Variants in SNX14 observed in about 807,000 individuals in gnomAD.
SNX14 encodes the protein sorting nexin-14.
In SNX14, 93 loss-of-function variants were observed where a neutral mutation model predicts 133.8. The ratio of observed to expected loss-of-function variants is 0.70; its 90% CI spans 0.59 to 0.83. The LOEUF (loss-of-function observed/expected upper bound fraction) is 0.83. Ranked by LOEUF, SNX14 falls within the 40% of genes least tolerant of loss-of-function variation. The pLI, the probability that SNX14 is intolerant of heterozygous loss-of-function variation, is 0.00. For synonymous variants in SNX14, 368 were observed against 365.6 expected (o/e 1.01, Z -0.07); for missense variants, 945 against 1,094.9 (o/e 0.86, Z 1.93).
At position 85,514,528 on chromosome 6, in the gene SNX14, G is replaced by C; in HGVS notation, c.2370C>G (p.Val790=). ...YFMEVMTVEG[V]YDYLMYVGRV... ...TACCTACATACATCAGGTAATCATA[G>C]ACTCCTTCTACAGTCATCACCTCCA... The change falls in exon 24 of 29, where the codon GTC becomes GTG. Residue 790 remains valine (V), a synonymous_variant. Coordinates refer to ENST00000314673, the MANE Select transcript of SNX14 (RefSeq NM_153816.6). The C allele has an allele frequency of 6.2e-7, 1 of 1,613,234 alleles. No homozygotes were observed. Among genetic ancestry groups the C allele is most frequent in the Non-Finnish European group, 8.5e-7 (1 of 1,179,688 alleles).
chr6:85,585,856 G>T (rs1408545819), intron 1 of SNX14, among the ~76,000 whole-genome samples: 1 of 152,092 alleles, frequency 6.6e-6, no homozygotes, highest in Non-Finnish European at 1.5e-5. Context: ...GAGTAAGTTT[G>T]TTGGACACAG....
intron 15 of SNX14, among the ~76,000 whole-genome samples, chr6:85,540,313 C>T (rs1020561960): frequency 6.6e-6 from 1 of 152,044 alleles, no homozygotes; most frequent in Admixed American, 6.6e-5. Context: ...CTTAAATGGT[C>T]CTAGAAAAGG....
chr6:85,570,536 A>C (rs1297253848), intron 4 of SNX14, among the ~76,000 whole-genome samples: 2 of 152,180 alleles, frequency 1.3e-5, no homozygotes, highest in Admixed American at 1.3e-4. Flanking sequence ...AAATATTATC[A>C]TTTCAACATG....
At chr6:85,547,824 G>A (rs1466702024) in intron 9 of SNX14, among the ~76,000 whole-genome samples, 4 of 152,072 alleles carry the variant, frequency 2.6e-5, no homozygotes, top group African/African-American at 9.7e-5. Flanking sequence ...AATCTCACTG[G>A]ATCAAAGGTA....
intron 5 of SNX14, 62 bp from the exon 6 acceptor site, chr6:85,565,481 A>G: frequency 7.9e-7 from 1 of 1,266,330 alleles, no homozygotes. Context: ...ACCTTCTACA[A>G]TCCAAGGGAA....
chr6:85,513,856 T>C lies in SNX14; in HGVS notation c.2597A>G (p.Gln866Arg), dbSNP rs988396733. ...FCENTEPRSL[Q>R]DKQKGAKQTF... ...CTGTTTTGCTCCTTTTTGCTTATCTTGGAGAGAGCGAGGTTCAGTGTTTTC... is the reference window on the plus strand; with the variant it reads ...CTGTTTTGCTCCTTTTTGCTTATCTCGGAGAGAGCGAGGTTCAGTGTTTTC... Residue 866 changes from glutamine to arginine, a missense_variant, in exon 26 of 29, where the codon CAA becomes CGA. Gln to Arg is a conservative substitution (Grantham distance 43). Coordinates refer to ENST00000314673, the MANE Select transcript of SNX14 (RefSeq NM_153816.6). 2 of 1,613,090 alleles carry C rather than the reference T, an allele frequency of 1.2e-6. No individual in the cohort carries two copies. The highest frequency in any genetic ancestry group is 1.7e-5 in the Admixed American group (1 of 59,978).
At position 85,574,304 on chromosome 6, in the gene SNX14, T is replaced by G. The variant is rs372813808; in HGVS notation, c.215A>C (p.Asp72Ala). Residue 72 changes from aspartate to alanine, a missense_variant, in exon 2 of 29, where the codon GAT (aspartate) becomes GCT (alanine). Transcript: ENST00000314673. ...VVTFYCSLGP[D>A]SLLPNIFFTI... Reference sequence around the variant, plus strand: ...GAAGAATATATTTGGTAAGAGAGAATCAGGTCCTAGTGAGCAGTAGAATGT... The same window carrying G: ...GAAGAATATATTTGGTAAGAGAGAAGCAGGTCCTAGTGAGCAGTAGAATGT... The G allele has an allele frequency of 1.8e-5, 28 of 1,597,026 alleles. No individual in the cohort carries two copies. The highest frequency in any genetic ancestry group is 2.2e-5 in the Non-Finnish European group (26 of 1,167,350).
intron 4 of SNX14, among the ~76,000 whole-genome samples, chr6:85,571,612 C>T (rs1795629130): frequency 6.6e-6 from 1 of 152,102 alleles, no homozygotes; most frequent in African/African-American, 2.4e-5. Context: ...TTGTCAAATC[C>T]ACTGAGAAGA....
chr6:85,551,039 G>A (rs1425837948), intron 7 of SNX14, among the ~76,000 whole-genome samples: 1 of 151,968 alleles, frequency 6.6e-6, no homozygotes, highest in Non-Finnish European at 1.5e-5. Context: ...CTTCGGCCTC[G>A]CAAAGTGCTG....
At chr6:85,515,082 T>A (rs1175863281) in intron 23 of SNX14, among the ~76,000 whole-genome samples, 2 of 151,860 alleles carry the variant, frequency 1.3e-5, no homozygotes, top group Non-Finnish European at 2.9e-5. Context: ...TTGTCCAACA[T>A]GGTGAAACCC....
At chr6:85,542,476 G>A (rs1784065744) in intron 14 of SNX14, among the ~76,000 whole-genome samples, 1 of 152,114 alleles carries the variant, frequency 6.6e-6, no homozygotes, top group Non-Finnish European at 1.5e-5. Context: ...CTCACTGCAA[G>A]CTCCGCCTCC....
rs540421749 is a variant in SNX14 at position 85,545,042 on chromosome 6, C to T, written c.1109-1282G>A. Among the ~76,000 whole-genome samples the T allele has an allele frequency of 4.6e-5, 7 of 152,154 alleles. No homozygotes were observed. In the South Asian group the frequency reaches 1.5e-3, roughly 32 times the overall value. On this transcript the variant is annotated intron_variant, in intron 12 of 28. Coordinates refer to ENST00000314673, the MANE Select transcript of SNX14 (RefSeq NM_153816.6). The stretch of plus-strand genomic sequence containing the variant: ...ATTAAAATACATGACAACAGGAGCA[C>T]AATAGGCAGGAGAGGATGCTCTGAG...
chr6:85,560,488 A>T (rs1479366146), intron 6 of SNX14, among the ~76,000 whole-genome samples: 1 of 152,208 alleles, frequency 6.6e-6, no homozygotes, highest in African/African-American at 2.4e-5. Context: ...ATGAAGGGAT[A>T]GAAGAGGTGA....
At chr6:85,512,560 T>G (rs1227708587) in intron 26 of SNX14, among the ~76,000 whole-genome samples, 3 of 150,542 alleles carry the variant, frequency 2.0e-5, no homozygotes, top group African/African-American at 7.4e-5. Context: ...AGGCGGAGGT[T>G]GCAGTGAGCA....
At chr6:85,580,712 T>A (rs1798780824) in intron 1 of SNX14, among the ~76,000 whole-genome samples, 1 of 151,868 alleles carries the variant, frequency 6.6e-6, no homozygotes, top group African/African-American at 2.4e-5. Context: ...ATTGATAGAG[T>A]CTAGCAGCAC....
chr6:85,587,306 A>G (rs574605431), intron 1 of SNX14, among the ~76,000 whole-genome samples: 5 of 152,322 alleles, frequency 3.3e-5, no homozygotes, highest in South Asian at 4.1e-4. Context: ...GAAATTTTCA[A>G]TATCAAAAGT....
chr6:85,548,975 T>C (rs1476504440), intron 8 of SNX14, among the ~76,000 whole-genome samples: 1 of 59,952 alleles, frequency 1.7e-5, no homozygotes, highest in Non-Finnish European at 2.7e-5. Flanking sequence ...TCAAAAATAA[T>C]TAAAAAAAAA....
intron 19 of SNX14, 91 bp downstream of exon 19, chr6:85,530,101 A>C (rs1394988565): frequency 1.4e-6 from 1 of 712,332 alleles, no homozygotes; most frequent in East Asian, 2.9e-5. Flanking sequence ...TTGTATTTCA[A>C]TTACTTAAAA....
Position 85,547,414 on chromosome 6 carries a change from ATTAT to A in SNX14, c.913-21_913-18del. On this transcript the variant is annotated intron_variant, in intron 10 of 28. Transcript: ENST00000314673. ...TTTTTCAGGCTTTGAAAGAAAGAGAATTATTAACTCAGTAAAATTCCCACTTGAT... is the reference window on the plus strand; with the variant it reads ...TTTTTCAGGCTTTGAAAGAAAGAGAATAACTCAGTAAAATTCCCACTTGAT... 1 of 1,611,716 alleles carries A rather than the reference ATTAT, an allele frequency of 6.2e-7. No homozygotes were observed. Among genetic ancestry groups the A allele is most frequent in the Non-Finnish European group, 8.5e-7 (1 of 1,179,418 alleles).
Sources: allele counts gnomAD v4.1 joint callset (sites outside exome capture counted in the v4.1 genomes callset), GRCh38; gene constraint gnomAD v4.1.1; transcripts MANE v1.5; gene names NCBI Gene and HGNC (gene_info 2026-07-23, HGNC 2026-07-21).